Variants in FHL5 observed in about 807,000 individuals in gnomAD.
The protein encoded by FHL5 is four and a half LIM domains protein 5.
Under a neutral mutation model 32.0 loss-of-function variants are expected in FHL5, and 33 were observed. The ratio of observed to expected loss-of-function variants is 1.03; its 90% CI spans 0.78 to 1.38. FHL5 has a LOEUF of 1.38. FHL5 is among the 40% of genes most tolerant of loss of function. The pLI, the probability that FHL5 is intolerant of heterozygous loss-of-function variation, is 0.00. For missense variants in FHL5, 336 were observed against 343.9 expected, an observed-to-expected ratio of 0.98 and a Z score of 0.18; for synonymous variants, 114 against 113.6, an observed-to-expected ratio of 1.00 and a Z score of -0.02.
chr6:96,592,989 C>A (rs1235087560), intron 1 of FHL5, among the ~76,000 whole-genome samples: 1 of 151,952 alleles, frequency 6.6e-6, no homozygotes, highest in Non-Finnish European at 1.5e-5. Context: ...GTATATTTTT[C>A]TCTTTTCTCA....
At chr6:96,566,895 T>C (rs994218574) in intron 1 of FHL5, among the ~76,000 whole-genome samples, 1 of 152,016 alleles carries the variant, frequency 6.6e-6, no homozygotes, top group Non-Finnish European at 1.5e-5. Flanking sequence ...TAAACTCTTG[T>C]CAGATGAATA....
chr6:96,603,486 G>A, intron 1 of FHL5, 116 bp from the exon 2 acceptor site: 1 of 740,410 alleles, frequency 1.4e-6, no homozygotes. Flanking sequence ...GGGGATTTTT[G>A]CTTAAGAAAA....
intron 1 of FHL5, among the ~76,000 whole-genome samples, chr6:96,600,848 T>G (rs940110035): frequency 1.3e-5 from 2 of 152,186 alleles, no homozygotes; most frequent in Non-Finnish European, 2.9e-5. Context: ...TCCAGACTCC[T>G]TGAGTGGGCA....
intron 1 of FHL5, among the ~76,000 whole-genome samples, chr6:96,573,413 C>A (rs1770520660): frequency 6.6e-6 from 1 of 151,854 alleles, no homozygotes; most frequent in African/African-American, 2.4e-5. Context: ...AGCTGTCATG[C>A]TATCTAAATT....
intron 1 of FHL5, among the ~76,000 whole-genome samples, chr6:96,595,094 G>A (rs2983899): frequency 4.0e-5 from 6 of 151,568 alleles, no homozygotes; most frequent in East Asian, 1.9e-4. Context: ...TAAACCTTCC[G>A]TTAGAGAGTT....
At chr6:96,577,503 A>G (rs1054326395) in intron 1 of FHL5, among the ~76,000 whole-genome samples, 1 of 152,140 alleles carries the variant, frequency 6.6e-6, no homozygotes, top group Non-Finnish European at 1.5e-5. Context: ...ACCTCATTTT[A>G]TCAGATGAGA....
chr6:96,596,146 G>A (rs1375873363), intron 1 of FHL5, among the ~76,000 whole-genome samples: 1 of 152,030 alleles, frequency 6.6e-6, no homozygotes, highest in Non-Finnish European at 1.5e-5. Flanking sequence ...AGTTCAGGCT[G>A]TAAATACTTG....
intron 1 of FHL5, 76 bp from the exon 2 acceptor site, chr6:96,603,526 T>C (rs1175124672): frequency 3.8e-6 from 4 of 1,057,584 alleles, no homozygotes; most frequent in Admixed American, 2.3e-5. Context: ...TTCACTCACA[T>C]TATATTAAGG....
chr6:96,572,871 T>G (rs1770508546), intron 1 of FHL5, among the ~76,000 whole-genome samples: 1 of 152,228 alleles, frequency 6.6e-6, no homozygotes, highest in Non-Finnish European at 1.5e-5. Flanking sequence ...TTATTCTCTA[T>G]GTAGCCATCC....
At chr6:96,600,805 T>C (rs948705108) in intron 1 of FHL5, among the ~76,000 whole-genome samples, 4 of 152,302 alleles carry the variant, frequency 2.6e-5, no homozygotes, top group Non-Finnish European at 2.9e-5. Context: ...TCAAATTACA[T>C]TAACTATTAC....
intron 5 of FHL5, 143 bp downstream of exon 5, chr6:96,610,901 A>G (rs1278626426): frequency 4.9e-6 from 3 of 613,352 alleles, no homozygotes; most frequent in African/African-American, 3.7e-5. Flanking sequence ...GTGGGTGCAT[A>G]TATATGAGTA....
At chr6:96,582,572 T>C (rs539628036) in intron 1 of FHL5, among the ~76,000 whole-genome samples, 1 of 152,194 alleles carries the variant, frequency 6.6e-6, no homozygotes, top group East Asian at 1.9e-4. Context: ...GAGAAGAAAT[T>C]AGCCAAATGG....
chr6:96,610,521 C>T (rs1206150720), intron 4 of FHL5, 51 bp from the exon 5 acceptor site: 2 of 1,341,274 alleles, frequency 1.5e-6, no homozygotes, highest in Non-Finnish European at 2.1e-6. Context: ...ATGAAATGAT[C>T]TGAATTGTAA....
chr6:96,599,212 TGAGATGGAG>T, intron 1 of FHL5, among the ~76,000 whole-genome samples: 1 of 127,076 alleles, frequency 7.9e-6, no homozygotes, highest in Middle Eastern at 4.3e-3. Context: ...TTTTTTTTTT[TGAGATGGAG>T]TCTCACTCTT....
At chr6:96,597,584 A>T (rs1415591485) in intron 1 of FHL5, among the ~76,000 whole-genome samples, 3 of 152,198 alleles carry the variant, frequency 2.0e-5, no homozygotes, top group Non-Finnish European at 4.4e-5. Context: ...AAAAAGTTCA[A>T]ATCTAGCATG....
chr6:96,613,773 A>T (rs1167592393), intron 5 of FHL5, among the ~76,000 whole-genome samples: 1 of 152,202 alleles, frequency 6.6e-6, no homozygotes, highest in African/African-American at 2.4e-5. Context: ...TAGCTGGGTG[A>T]CCTGGGGCAA....
intron 1 of FHL5, among the ~76,000 whole-genome samples, chr6:96,587,113 G>C (rs1403657590): frequency 6.6e-6 from 1 of 152,188 alleles, no homozygotes; most frequent in African/African-American, 2.4e-5. Flanking sequence ...TTTCTGGAGG[G>C]CCAAAGAACA....
chr6:96,595,011 T>C (rs1028526617), intron 1 of FHL5, among the ~76,000 whole-genome samples: 1 of 151,974 alleles, frequency 6.6e-6, no homozygotes, highest in Admixed American at 6.6e-5. Flanking sequence ...ATACAGTCAA[T>C]GTTTATTTTT....
At chr6:96,607,775 G>A (rs1329491934) in intron 4 of FHL5, among the ~76,000 whole-genome samples, 1 of 151,738 alleles carries the variant, frequency 6.6e-6, no homozygotes, top group African/African-American at 2.4e-5. Context: ...CTGAGGCCAG[G>A]AGTTCAAGAC....
Sources: gnomAD v4.1 joint callset for allele counts (sites outside exome capture counted in the v4.1 genomes callset) on GRCh38, gnomAD v4.1.1 for gene constraint, MANE v1.5 for transcripts, NCBI Gene and HGNC (gene_info 2026-07-23, HGNC 2026-07-21) for gene names.